Variants in ZNF804B observed in about 807,000 individuals in gnomAD.
The protein encoded by ZNF804B is zinc finger protein 804B.
A neutral mutation model predicts 101.4 loss-of-function variants in ZNF804B; 80 were observed. That is an observed-to-expected ratio of 0.79 (90% CI 0.66 to 0.95). The LOEUF (loss-of-function observed/expected upper bound fraction) is 0.95. Among genes scored for constraint, ZNF804B ranks in the 40% least tolerant of loss-of-function variants. ZNF804B has a pLI of 0.00. For synonymous variants in ZNF804B, 622 were observed against 558.8 expected, an observed-to-expected ratio of 1.11 and a Z score of -1.59; for missense variants, 1,673 against 1,561.9, an observed-to-expected ratio of 1.07 and a Z score of -1.20.
chr7:89,133,697 C>A (rs1348781713), intron 1 of ZNF804B, among the ~76,000 whole-genome samples: 1 of 152,148 alleles, frequency 6.6e-6, no homozygotes, highest in African/African-American at 2.4e-5. Context: ...TAGCCTTAGA[C>A]CCTTTACAAG....
In ZNF804B at chr7:89,336,034, G is replaced by C; in HGVS notation, c.3052G>C (p.Ala1018Pro). ...ACACACAAATAATTTTACAATTTTA[G>C]CAGACACTGATTGTGATAACCATCT... is the stretch of plus-strand genomic sequence containing the variant. ...SSHTNNFTIL[A>P]DTDCDNHLSK... is the part of the protein sequence containing the mutation. The change falls in exon 4 of 4, where the codon GCA becomes CCA. Residue 1018 changes from alanine (A) to proline (P), a missense_variant. By Grantham distance (27) the Ala-to-Pro change is conservative. Coordinates refer to ENST00000333190, the MANE Select transcript of ZNF804B (RefSeq NM_181646.5). 1.9e-6 allele frequency: 3 copies of C among 1,613,960 alleles called. No individual in the cohort carries two copies. Among genetic ancestry groups the C allele is most frequent in the Non-Finnish European group, 2.5e-6 (3 of 1,179,988 alleles).
chr7:89,241,746 T>C (rs1384777963), intron 2 of ZNF804B, among the ~76,000 whole-genome samples: 1 of 151,998 alleles, frequency 6.6e-6, no homozygotes, highest in Non-Finnish European at 1.5e-5. Flanking sequence ...CACACATTTT[T>C]CTTTTATGCC....
intron 1 of ZNF804B, among the ~76,000 whole-genome samples, chr7:88,848,020 C>A (rs1044839033): frequency 5.9e-5 from 9 of 152,204 alleles, no homozygotes; most frequent in African/African-American, 2.2e-4. Context: ...GCAATGGTTT[C>A]CAATCAGAAG....
intron 2 of ZNF804B, among the ~76,000 whole-genome samples, chr7:89,239,746 A>G (rs1294787529): frequency 6.6e-6 from 1 of 151,742 alleles, no homozygotes; most frequent in African/African-American, 2.4e-5. Context: ...TTTCGCCTAT[A>G]ATTTTACTCA....
intron 1 of ZNF804B, among the ~76,000 whole-genome samples, chr7:89,024,663 A>T: frequency 2.8e-4 from 2 of 7,122 alleles, no homozygotes; most frequent in African/African-American, 1.6e-3. Context: ...TCATTCTTGA[A>T]AAAAAAAAAA....
rs914125839 is a variant in ZNF804B at position 88,949,876 on chromosome 7, G to A, written c.108+189792G>A. Among the ~76,000 whole-genome samples the A allele has an allele frequency of 1.3e-4, 20 of 151,876 alleles. No homozygotes were observed. In the East Asian group the frequency reaches 1.6e-3, roughly 12 times the overall value. ...CTGTACAGGTTTGTAGCCTAGGAGC[G>A]GTAGGCTATATCATGTAAAGTATAG... is the stretch of plus-strand genomic sequence containing the variant. On this transcript the variant is annotated intron_variant, in intron 1 of 3. Transcript: ENST00000333190.
intron 1 of ZNF804B, among the ~76,000 whole-genome samples, chr7:88,876,024 G>A (rs1791933360): frequency 2.0e-5 from 3 of 152,052 alleles, no homozygotes; most frequent in South Asian, 4.2e-4. Flanking sequence ...ATCAATAAAT[G>A]TAATCCAGCA....
At chr7:89,074,709 G>A (rs1024663362) in intron 1 of ZNF804B, among the ~76,000 whole-genome samples, 1 of 152,196 alleles carries the variant, frequency 6.6e-6, no homozygotes, top group Admixed American at 6.5e-5. Context: ...ATATGGAAGT[G>A]ACTTTGGAAC....
chr7:89,325,322 C>G (rs550882560), intron 2 of ZNF804B, among the ~76,000 whole-genome samples: 16 of 152,014 alleles, frequency 1.1e-4, no homozygotes, highest in African/African-American at 3.6e-4. Context: ...TGCAAACTTC[C>G]TAAACACAAT....
At chr7:89,316,577 G>C (rs1237350744) in intron 2 of ZNF804B, among the ~76,000 whole-genome samples, 1 of 152,108 alleles carries the variant, frequency 6.6e-6, no homozygotes, top group East Asian at 1.9e-4. Flanking sequence ...CTTCCACTTA[G>C]GTTATGGAAA....
At chr7:89,025,475 C>A (rs1396456642) in intron 1 of ZNF804B, among the ~76,000 whole-genome samples, 1 of 152,006 alleles carries the variant, frequency 6.6e-6, no homozygotes, top group Admixed American at 6.6e-5. Flanking sequence ...TTTAATGTTT[C>A]AAAAGCAATT....
rs755029555 is a variant in ZNF804B at position 89,336,677 on chromosome 7, T to C, written c.3695T>C (p.Ile1232Thr). The C allele has an allele frequency of 6.2e-7, 1 of 1,614,018 alleles. No individual in the cohort carries two copies. The highest frequency in any genetic ancestry group is 8.5e-7 in the Non-Finnish European group (1 of 1,180,028). ...SLSSHSSHLP[I>T]AHLHPLSQAH... ...AGTTCTCATAGCAGTCACCTCCCTA[T>C]TGCTCATCTACATCCTCTTTCACAG... Residue 1232 changes from isoleucine to threonine, a missense_variant, in exon 4 of 4, where the codon ATT (isoleucine) becomes ACT (threonine). Transcript: ENST00000333190.
At chr7:89,228,020 C>T (rs1003669634) in intron 2 of ZNF804B, among the ~76,000 whole-genome samples, 21 of 152,236 alleles carry the variant, frequency 1.4e-4, no homozygotes, top group African/African-American at 4.6e-4. Flanking sequence ...CCAGAATTGG[C>T]GGGTTCTTGG....
At chr7:89,115,772 T>G (rs945800517) in intron 1 of ZNF804B, among the ~76,000 whole-genome samples, 4 of 152,228 alleles carry the variant, frequency 2.6e-5, no homozygotes, top group Non-Finnish European at 5.9e-5. Context: ...TGATAGTTCT[T>G]TGTAGTTTTT....
intron 1 of ZNF804B, among the ~76,000 whole-genome samples, chr7:89,074,023 G>T (rs1463802719): frequency 1.3e-5 from 2 of 152,146 alleles, no homozygotes; most frequent in Non-Finnish European, 2.9e-5. Context: ...AGTTTATAGA[G>T]GATGGGGTGG....
intron 1 of ZNF804B, among the ~76,000 whole-genome samples, chr7:89,188,379 CCTT>C (rs1003620334): frequency 2.0e-5 from 3 of 152,040 alleles, no homozygotes; most frequent in Admixed American, 2.0e-4. Flanking sequence ...CTATCTCTCT[CCTT>C]CTCCTTGGCC....
chr7:88,766,166 T>C (rs1223939177), intron 1 of ZNF804B, among the ~76,000 whole-genome samples: 2 of 152,006 alleles, frequency 1.3e-5, no homozygotes, highest in Non-Finnish European at 2.9e-5. Flanking sequence ...AAAAATCAGC[T>C]GGGCTCAGTG....
chr7:89,269,080 A>T (rs191054832), intron 2 of ZNF804B, among the ~76,000 whole-genome samples: 4 of 152,012 alleles, frequency 2.6e-5, no homozygotes, highest in African/African-American at 9.7e-5. Context: ...TTTGTTTATT[A>T]TACTTTAAGT....
rs57407964 is a variant in ZNF804B at position 89,121,308 on chromosome 7, A to G, written c.109-96847A>G. Among the ~76,000 whole-genome samples, 3,758 of 152,296 alleles carry G rather than the reference A, an allele frequency of 0.025. 550 individuals are homozygous for G. The East Asian group carries it at 0.42, about 17-fold the overall frequency. On this transcript the variant is annotated intron_variant, in intron 1 of 3. Transcript: ENST00000333190. ...TACAATTTTACCTGGGAATAAATATATTCTATAAAGACTGTATGTGAGTTG... is the reference window on the plus strand; with the variant it reads ...TACAATTTTACCTGGGAATAAATATGTTCTATAAAGACTGTATGTGAGTTG...
Sources: gnomAD v4.1 joint callset for allele counts (sites outside exome capture counted in the v4.1 genomes callset) on GRCh38, gnomAD v4.1.1 for gene constraint, MANE v1.5 for transcripts, NCBI Gene and HGNC (gene_info 2026-07-23, HGNC 2026-07-21) for gene names.